HS6ST3: variants seen among roughly 807,000 people sequenced by gnomAD.
The protein encoded by HS6ST3 is heparan sulfate 6-O-sulfotransferase 3, also known as heparan-sulfate 6-O-sulfotransferase 3.
Under a neutral mutation model 36.7 loss-of-function variants are expected in HS6ST3, and 12 were observed. That is an observed-to-expected ratio of 0.33 (90% CI 0.21 to 0.53). The LOEUF is 0.53. Among genes scored for constraint, HS6ST3 ranks in the 20% least tolerant of loss-of-function variants. The probability of loss-of-function intolerance (pLI) is 0.95; values close to 1 mark genes in which losing one functional copy is unlikely to be tolerated. For missense variants in HS6ST3, 584 were observed against 640.9 expected, an observed-to-expected ratio of 0.91 and a Z score of 0.96; for synonymous variants, 240 against 257.5, an observed-to-expected ratio of 0.93 and a Z score of 0.65.
intron 1 of HS6ST3, among the ~76,000 whole-genome samples, chr13:96,376,502 T>A (rs183839507): frequency 6.6e-6 from 1 of 152,312 alleles, no homozygotes; most frequent in East Asian, 1.9e-4. Context: ...GATTGTAGTG[T>A]CTTGCTAAGA....
chr13:96,186,153 T>C lies in HS6ST3; in HGVS notation c.707+94584T>C, dbSNP rs549774845. Among the ~76,000 whole-genome samples the C allele has an allele frequency of 9.2e-5, 14 of 152,328 alleles. 1 individual carries two copies. Among genetic ancestry groups the C allele is most frequent in the African/African-American group, 3.1e-4 (13 of 41,576 alleles). On this transcript the variant is annotated intron_variant, in intron 1 of 1. Transcript: ENST00000376705. ...TTTCCCTGAAAATGAGCAAGCTGGC[T>C]ATTTTTCTTAAGGCATCACCATTCG... is the stretch of plus-strand genomic sequence containing the variant.
chr13:96,786,878 T>TA lies in HS6ST3; in HGVS notation c.708-45610dup, dbSNP rs1877666536. 2.6e-5 allele frequency among the ~76,000 whole-genome samples: 4 copies of TA among 151,724 alleles called. No homozygotes were observed. In the South Asian group the frequency reaches 8.4e-4, roughly 32 times the overall value. On this transcript the variant is annotated intron_variant, in intron 1 of 1. Coordinates refer to ENST00000376705, the MANE Select transcript of HS6ST3 (RefSeq NM_153456.4). ...AAAATCTCCCTCATGCTACCCTTTT[T>TA]AATCAAACCTTTGCATCATGCCAAT...
At chr13:96,649,028 G>C (rs2056598699) in intron 1 of HS6ST3, among the ~76,000 whole-genome samples, 1 of 151,838 alleles carries the variant, frequency 6.6e-6, no homozygotes, top group Non-Finnish European at 1.5e-5. Context: ...TTGACACTTG[G>C]ACATCTTGAG....
At chr13:96,174,242 C>T (rs79714800) in intron 1 of HS6ST3, among the ~76,000 whole-genome samples, 3 of 152,084 alleles carry the variant, frequency 2.0e-5, no homozygotes, top group Non-Finnish European at 4.4e-5. Flanking sequence ...GCAATCACTT[C>T]CAGATTTTTC....
chr13:96,174,923 TA>T (rs1235489817), intron 1 of HS6ST3, among the ~76,000 whole-genome samples: 1 of 152,216 alleles, frequency 6.6e-6, no homozygotes, highest in Non-Finnish European at 1.5e-5. Flanking sequence ...CTGGTGTTTC[TA>T]ATAGTGTTGC....
rs1281590214 is a variant in HS6ST3 at position 96,839,490 on chromosome 13, A to G, written c.*6292A>G. On this transcript the variant is annotated 3_prime_UTR_variant, in exon 2 of 2. Coordinates refer to ENST00000376705, the MANE Select transcript of HS6ST3 (RefSeq NM_153456.4). ...TTAAAAATGATAGTTTGTAGAACTG[A>G]AGATTTCCATTGATGTGAAGCACAA... 1 of 152,258 alleles carries G rather than the reference A, an allele frequency of 6.6e-6. No homozygotes were observed. The highest frequency in any genetic ancestry group is 1.9e-4 in the East Asian group (1 of 5,200). 9.4% of individuals were successfully genotyped at this position (152,258 alleles called of 1,614,324 possible). A position where few individuals can be genotyped will look rare whatever the true frequency, so the allele number is the denominator to read the frequency against.
intron 1 of HS6ST3, among the ~76,000 whole-genome samples, chr13:96,670,040 G>A (rs570670805): frequency 6.6e-6 from 1 of 152,236 alleles, no homozygotes; most frequent in South Asian, 2.1e-4. Flanking sequence ...ATGTAAAAAA[G>A]TGAAGTTAAT....
chr13:96,737,631 C>CAAAA (rs5805990), intron 1 of HS6ST3, among the ~76,000 whole-genome samples: 3 of 65,756 alleles, frequency 4.6e-5, no homozygotes, highest in East Asian at 1.0e-3. Context: ...GACTCCGTCT[C>CAAAA]AAAAAAAAAA....
chr13:96,327,529 A>G (rs972986325), intron 1 of HS6ST3, among the ~76,000 whole-genome samples: 2 of 151,918 alleles, frequency 1.3e-5, no homozygotes, highest in Non-Finnish European at 2.9e-5. Context: ...GTTCTGTTCC[A>G]TTGATCTATA....
intron 1 of HS6ST3, among the ~76,000 whole-genome samples, chr13:96,454,874 T>A (rs2055747120): frequency 6.9e-6 from 1 of 144,274 alleles, no homozygotes. Context: ...TATTGAACTC[T>A]AAAAAAAAAA....
chr13:96,387,983 C>T (rs2055376842), intron 1 of HS6ST3, among the ~76,000 whole-genome samples: 2 of 152,224 alleles, frequency 1.3e-5, no homozygotes, highest in South Asian at 4.1e-4. Flanking sequence ...GATTTACCAC[C>T]AATTCTGATA....
At chr13:96,103,731 A>G (rs1395916578) in intron 1 of HS6ST3, among the ~76,000 whole-genome samples, 1 of 152,228 alleles carries the variant, frequency 6.6e-6, no homozygotes, top group Non-Finnish European at 1.5e-5. Context: ...TATGTAATTC[A>G]GCTTTTATAG....
At chr13:96,778,008 G>T (rs563925172) in intron 1 of HS6ST3, among the ~76,000 whole-genome samples, 4 of 152,142 alleles carry the variant, frequency 2.6e-5, no homozygotes. Context: ...AGAGGCCTCA[G>T]AAATAATGCC....
intron 1 of HS6ST3, among the ~76,000 whole-genome samples, chr13:96,256,262 A>G (rs1377952932): frequency 6.6e-6 from 1 of 152,214 alleles, no homozygotes; most frequent in Admixed American, 6.5e-5. Flanking sequence ...GTTGTATGAA[A>G]TGTGAGTACC....
chr13:96,395,769 G>T (rs1036104742), intron 1 of HS6ST3, among the ~76,000 whole-genome samples: 2 of 152,068 alleles, frequency 1.3e-5, no homozygotes, highest in African/African-American at 4.8e-5. Flanking sequence ...TATGTACTTG[G>T]TTATATGCAC....
intron 1 of HS6ST3, among the ~76,000 whole-genome samples, chr13:96,196,240 C>T (rs1430552194): frequency 6.6e-6 from 1 of 152,166 alleles, no homozygotes; most frequent in African/African-American, 2.4e-5. Context: ...TACCCTCCTA[C>T]TCAAATCTAT....
At chr13:96,249,697 A>G (rs1023281804) in intron 1 of HS6ST3, among the ~76,000 whole-genome samples, 1 of 152,174 alleles carries the variant, frequency 6.6e-6, no homozygotes, top group Non-Finnish European at 1.5e-5. Flanking sequence ...AGCATTATTC[A>G]TAGTTGCAAA....
At chr13:96,780,347 A>G (rs996851224) in intron 1 of HS6ST3, among the ~76,000 whole-genome samples, 4 of 152,198 alleles carry the variant, frequency 2.6e-5, no homozygotes, top group African/African-American at 9.7e-5. Flanking sequence ...GGCCAGCCCA[A>G]GTCTTATAAA....
intron 1 of HS6ST3, among the ~76,000 whole-genome samples, chr13:96,556,402 T>C (rs2056240886): frequency 1.3e-5 from 2 of 152,224 alleles, no homozygotes; most frequent in African/African-American, 2.4e-5. Flanking sequence ...TCATTTACAT[T>C]ATAGTCCTTA....
Sources: allele counts gnomAD v4.1 joint callset (sites outside exome capture counted in the v4.1 genomes callset), GRCh38; gene constraint gnomAD v4.1.1; transcripts MANE v1.5; gene names NCBI Gene and HGNC (gene_info 2026-07-23, HGNC 2026-07-21).